Variants in SLC2A1 observed in about 807,000 individuals in gnomAD.
SLC2A1 encodes the protein solute carrier family 2, facilitated glucose transporter member 1.
Under a neutral mutation model 46.6 loss-of-function variants are expected in SLC2A1, and 4 were observed. The ratio of observed to expected loss-of-function variants is 0.09; its 90% CI spans 0.04 to 0.20. The LOEUF (loss-of-function observed/expected upper bound fraction) is 0.20. SLC2A1 is among the 10% of genes least tolerant of loss of function. The pLI is 1.00. For missense variants in SLC2A1, 352 were observed against 667.0 expected (o/e 0.53, Z 5.20); for synonymous variants, 253 against 270.0 (o/e 0.94, Z 0.62).
intron 2 of SLC2A1, among the ~76,000 whole-genome samples, chr1:42,941,844 T>C (rs1382477029): frequency 6.6e-6 from 1 of 152,200 alleles, no homozygotes; most frequent in African/African-American, 2.4e-5. Context: ...ATGCAGGGCT[T>C]GGGGCTGGTC....
chr1:42,932,954 TGCAGG>T (rs757046391), intron 2 of SLC2A1, among the ~76,000 whole-genome samples: 4 of 152,202 alleles, frequency 2.6e-5, no homozygotes, highest in Non-Finnish European at 4.4e-5. Context: ...AAGGACGCCA[TGCAGG>T]GCAGTGAATA....
intron 2 of SLC2A1, among the ~76,000 whole-genome samples, chr1:42,940,780 C>T (rs1256235611): frequency 6.6e-6 from 1 of 152,098 alleles, no homozygotes; most frequent in Non-Finnish European, 1.5e-5. Context: ...CCACAGTCTC[C>T]CTAGAAGATC....
At chr1:42,928,887 G>T in intron 8 of SLC2A1, 45 bp downstream of exon 8, 1 of 1,551,980 alleles carries the variant, frequency 6.4e-7, no homozygotes, top group Non-Finnish European at 8.9e-7. Context: ...TGAAGCCCAG[G>T]CAAACTCTCC....
chr1:42,931,435 C>G (rs1643489161), intron 2 of SLC2A1, among the ~76,000 whole-genome samples: 1 of 152,218 alleles, frequency 6.6e-6, no homozygotes, highest in Non-Finnish European at 1.5e-5. Context: ...CCCACTTCCC[C>G]TAACGTGTGG....
In SLC2A1 at chr1:42,930,525, C is replaced by T; in HGVS notation, c.516+101G>A. On this transcript the variant is annotated intron_variant, in intron 4 of 9. Transcript: ENST00000426263. This position sits in a 1 kb window ranked among gnomAD's most constrained non-coding sequence, Gnocchi z 6.2. ...GTTGTCCTCTGCAAGGCTGTGGGGG[C>T]TGGGCGGAAGAGAAACTCTGCCCTG... 1.3e-6 allele frequency: 2 copies of T among 1,514,540 alleles called. No individual in the cohort carries two copies. Among genetic ancestry groups the T allele is most frequent in the Non-Finnish European group, 1.8e-6 (2 of 1,106,032 alleles). The allele number at this position is 1,514,540 out of a possible 1,614,324, so 93.8% of individuals were successfully genotyped here. A position where few individuals can be genotyped will look rare whatever the true frequency, so the allele number is the denominator to read the frequency against.
chr1:42,938,139 G>C (rs1012843579), intron 2 of SLC2A1, among the ~76,000 whole-genome samples: 1 of 152,192 alleles, frequency 6.6e-6, no homozygotes, highest in African/African-American at 2.4e-5. Context: ...CATTTGGGGA[G>C]GGGAAAGGCA....
In SLC2A1 at chr1:42,926,471, G is replaced by T; in HGVS notation, c.*570C>A. The T allele has an allele frequency of 3.9e-6, 1 of 258,258 alleles. No individual in the cohort carries two copies. The highest frequency in any genetic ancestry group is 4.3e-5 in the South Asian group (1 of 23,322). 16.0% of individuals were successfully genotyped at this position (258,258 alleles called of 1,614,324 possible). On this transcript the variant is annotated 3_prime_UTR_variant, in exon 10 of 10. Transcript: ENST00000426263. The stretch of plus-strand genomic sequence containing the variant: ...CCCTGCACTCCAGTGCTCCCAACTG[G>T]TCTCAGGTAAAGAAAGATTAATTTG...
chr1:42,928,004 G>A (rs758516267), intron 8 of SLC2A1, among the ~76,000 whole-genome samples, 196 bp from the exon 9 acceptor site: 1 of 152,208 alleles, frequency 6.6e-6, no homozygotes, highest in Non-Finnish European at 1.5e-5. Flanking sequence ...CTGCAGGGTG[G>A]CTGCAAGTGT....
rs1018649568 is a variant in SLC2A1, at chr1:42,933,122, G to T, written c.115-1916C>A. Among the ~76,000 whole-genome samples the T allele has an allele frequency of 3.3e-5, 5 of 152,190 alleles. No individual in the cohort carries two copies. The South Asian group carries it at 1.0e-3, about 31-fold the overall frequency. On this transcript the variant is annotated intron_variant, in intron 2 of 9. Transcript: ENST00000426263. ...TTAGCAGGAGCTGCTTCACAGTGCTGCAGGGAATCAGTGAAACAGTGCTTG... is the reference window on the plus strand; with the variant it reads ...TTAGCAGGAGCTGCTTCACAGTGCTTCAGGGAATCAGTGAAACAGTGCTTG...
At chr1:42,942,150 C>T (rs1490107642) in intron 2 of SLC2A1, among the ~76,000 whole-genome samples, 1 of 152,216 alleles carries the variant, frequency 6.6e-6, no homozygotes, top group Admixed American at 6.5e-5. Context: ...TCATTTGGTC[C>T]TCTCTGGGAA....
rs374789687 is a variant in SLC2A1, at chr1:42,927,673, T to C, written c.1210A>G (p.Ile404Val). 6.2e-7 allele frequency: 1 copy of C among 1,614,048 alleles called. No individual in the cohort carries two copies. Among genetic ancestry groups the C allele is most frequent in the Non-Finnish European group, 8.5e-7 (1 of 1,180,034 alleles). Reference sequence around the variant, plus strand: ...CAGTTGGAGAAGCCTGCAACGGCAATGGCAGCTGGACGTGGACCCTGGCTG... The same window carrying C: ...CAGTTGGAGAAGCCTGCAACGGCAACGGCAGCTGGACGTGGACCCTGGCTG... ...LFSQGPRPAA[I>V]AVAGFSNWTS... is the part of the protein sequence containing the mutation. Residue 404 changes from isoleucine to valine, a missense_variant, in exon 9 of 10, where the codon ATT (isoleucine) becomes GTT (valine). Ile to Val is a conservative substitution (Grantham distance 29, BLOSUM62 3). Around this residue, in one of 5 missense-constraint regions of SLC2A1, gnomAD observed 35 missense variants for 107.2 expected, o/e 0.33. Transcript: ENST00000426263. The surrounding 1 kb of genome is among the most constrained non-coding windows in gnomAD (Gnocchi z 5.3).
chr1:42,949,977 A>G (rs1194144852), intron 1 of SLC2A1, among the ~76,000 whole-genome samples: 1 of 151,882 alleles, frequency 6.6e-6, no homozygotes, highest in African/African-American at 2.4e-5. Flanking sequence ...CATAAAAGCA[A>G]CTCTCTGAGC....
rs1224443875 is a variant in SLC2A1, at chr1:42,929,361, C to T, written c.868-47G>A. On this transcript the variant is annotated intron_variant, in intron 6 of 9. Transcript: ENST00000426263. This position sits in a 1 kb window ranked among gnomAD's most constrained non-coding sequence, Gnocchi z 6.0. Reference sequence around the variant, plus strand: ...TGGGGCCTACCTGGACATTGTGGCCCTTCCCTGCCTCTGTAGCAGTGGATG... The same window carrying T: ...TGGGGCCTACCTGGACATTGTGGCCTTTCCCTGCCTCTGTAGCAGTGGATG... 6.8e-7 allele frequency: 1 copy of T among 1,468,304 alleles called. No homozygotes were observed. Among genetic ancestry groups the T allele is most frequent in the Non-Finnish European group, 9.4e-7 (1 of 1,063,604 alleles). The allele number at this position is 1,468,304 out of a possible 1,614,324, so 91.0% of individuals were successfully genotyped here. A position where few individuals can be genotyped will look rare whatever the true frequency, so the allele number is the denominator to read the frequency against.
chr1:42,931,827 CAAA>C (rs35734592), intron 2 of SLC2A1, among the ~76,000 whole-genome samples: 8 of 106,266 alleles, frequency 7.5e-5, no homozygotes, highest in South Asian at 6.8e-4. Flanking sequence ...CTCTATGTCT[CAAA>C]AAAAAAAAAA....
chr1:42,941,548 C>T (rs746520882), intron 2 of SLC2A1, among the ~76,000 whole-genome samples: 5 of 152,222 alleles, frequency 3.3e-5, no homozygotes, highest in Non-Finnish European at 5.9e-5. Context: ...CATTAACTCA[C>T]TATGAGATCA....
chr1:42,951,311 C>A (rs1272956799), intron 1 of SLC2A1, among the ~76,000 whole-genome samples: 1 of 152,048 alleles, frequency 6.6e-6, no homozygotes, highest in Non-Finnish European at 1.5e-5. Context: ...CTGTGTTTCA[C>A]ATAACATGTA....
chr1:42,947,698 G>A (rs1211327764), intron 1 of SLC2A1, among the ~76,000 whole-genome samples: 3 of 150,272 alleles, frequency 2.0e-5, no homozygotes, highest in Admixed American at 6.6e-5. Flanking sequence ...CTCCAGCCTC[G>A]GCAACAGAGT....
chr1:42,944,110 G>C (rs1643626942), intron 1 of SLC2A1, among the ~76,000 whole-genome samples: 1 of 152,204 alleles, frequency 6.6e-6, no homozygotes, highest in Non-Finnish European at 1.5e-5. Context: ...TGCTAGGCGG[G>C]AATGCACTTT....
Position 42,930,109 on chromosome 1 carries a change from C to T in SLC2A1, c.517-74G>A, listed in dbSNP as rs529549478. On this transcript the variant is annotated intron_variant, in intron 4 of 9. Transcript: ENST00000426263. The surrounding 1 kb of genome is among the most constrained non-coding windows in gnomAD (Gnocchi z 6.2). ...ACCCCGTCCTGCCAGAGTGGCCTTC[C>T]CTACTTTGTGTCAGCTGCTGCTTCA... 1.3e-6 allele frequency: 2 copies of T among 1,551,308 alleles called. No individual in the cohort carries two copies. The highest frequency in any genetic ancestry group is 2.3e-5 in the East Asian group (1 of 43,546).
Sources: gnomAD v4.1 joint callset for allele counts (sites outside exome capture counted in the v4.1 genomes callset) on GRCh38, gnomAD v4.1.1 for gene constraint, gnomAD v4.1.1 regional missense constraint, Gnocchi (gnomAD v3.1) non-coding constraint, MANE v1.5 for transcripts, NCBI Gene and HGNC (gene_info 2026-07-23, HGNC 2026-07-21) for gene names.